Variants in ZNF432 observed in about 807,000 individuals in gnomAD.
The protein encoded by ZNF432 is zinc finger protein 432.
Under a neutral mutation model 13.9 loss-of-function variants are expected in ZNF432, and 10 were observed. The ratio of observed to expected loss-of-function variants is 0.72; its 90% CI spans 0.44 to 1.22. The LOEUF (loss-of-function observed/expected upper bound fraction) is 1.22, where lower values mean the gene tolerates loss of function less well. ZNF432 is among the 50% of genes most tolerant of loss of function. ZNF432 has a pLI of 0.00. For missense variants in ZNF432, 793 were observed against 796.2 expected, an observed-to-expected ratio of 1.00 and a Z score of 0.05; for synonymous variants, 247 against 256.2, an observed-to-expected ratio of 0.96 and a Z score of 0.34.
chr19:52,043,273 G>C (rs534382247), intron 2 of ZNF432, among the ~76,000 whole-genome samples: 29 of 152,238 alleles, frequency 1.9e-4, no homozygotes, highest in Non-Finnish European at 3.8e-4. Context: ...CCCCAACCCC[G>C]TGCTCTCGGA....
chr19:52,045,247 C>T (rs1174615871), intron 2 of ZNF432, among the ~76,000 whole-genome samples: 4 of 151,692 alleles, frequency 2.6e-5, no homozygotes, highest in African/African-American at 4.8e-5. Flanking sequence ...CAGAGATGCA[C>T]ACATTTCAGT....
intron 2 of ZNF432, 56 bp downstream of exon 2, chr19:52,046,798 G>A (rs1382411195): frequency 1.3e-6 from 2 of 1,546,682 alleles, no homozygotes; most frequent in Non-Finnish European, 1.8e-6. Context: ...ATTTCTTACG[G>A]GTCTCTACAA....
chr19:52,039,093 G>A (rs988936651), intron 4 of ZNF432, among the ~76,000 whole-genome samples: 1 of 152,210 alleles, frequency 6.6e-6, no homozygotes, highest in Non-Finnish European at 1.5e-5. Flanking sequence ...TTCCCTAGTT[G>A]TCAATACTCT....
At position 52,032,706 on chromosome 19, in the gene ZNF432, G is replaced by C. The variant is rs1210265559; in HGVS notation, c.*1014C>G. ...CCACCTTGGCCTCCCAAAGTGCTGG[G>C]ATTACAGGTGCAAGCCACCATGCCC... is the stretch of plus-strand genomic sequence containing the variant. On this transcript the variant is annotated 3_prime_UTR_variant, in exon 5 of 5. Transcript: ENST00000221315. 6.6e-6 allele frequency: 1 copy of C among 152,144 alleles called. No individual in the cohort carries two copies. Among genetic ancestry groups the C allele is most frequent in the African/African-American group, 2.4e-5 (1 of 41,436 alleles). The allele number at this position is 152,144 out of a possible 1,614,324, so 9.4% of individuals were successfully genotyped here.
rs760412985 is a variant in ZNF432, at chr19:52,034,739, C to G, written c.940G>C (p.Glu314Gln). Residue 314 changes from glutamate to glutamine, a missense_variant, in exon 5 of 5, where the codon GAG becomes CAG. By Grantham distance (29) the Glu-to-Gln change is conservative. Transcript: ENST00000221315. ...CATTCACTACATATATAGGATTTCT[C>G]TCCAGTATGATTTCGCTGATGTACA... ...LIVHQRNHTG[E>Q]KSYICSECGK... The G allele has an allele frequency of 9.3e-6, 15 of 1,613,198 alleles. No homozygotes were observed. Among genetic ancestry groups the G allele is most frequent in the Non-Finnish European group, 1.3e-5 (15 of 1,179,760 alleles).
At chr19:52,039,706 G>A (rs935561355) in intron 4 of ZNF432, among the ~76,000 whole-genome samples, 4 of 151,738 alleles carry the variant, frequency 2.6e-5, no homozygotes, top group Non-Finnish European at 5.9e-5. Flanking sequence ...GTGCGCGCCT[G>A]TAATCCCAGC....
intron 2 of ZNF432, among the ~76,000 whole-genome samples, chr19:52,044,644 T>C (rs917005769): frequency 6.6e-6 from 1 of 152,148 alleles, no homozygotes; most frequent in African/African-American, 2.4e-5. Flanking sequence ...TCACCTGTGA[T>C]GAGGAAAATG....
intron 2 of ZNF432, among the ~76,000 whole-genome samples, chr19:52,046,481 T>C (rs1212988156): frequency 1.3e-5 from 2 of 152,222 alleles, no homozygotes; most frequent in South Asian, 2.1e-4. Context: ...CTGTTCACCA[T>C]ATCACCTCTG....
At chr19:52,039,842 A>AAAAAAG (rs2087117402) in intron 4 of ZNF432, among the ~76,000 whole-genome samples, 1 of 150,874 alleles carries the variant, frequency 6.6e-6, no homozygotes, top group African/African-American at 2.4e-5. Flanking sequence ...AAAAAAAAAA[A>AAAAAAG]AAAAGAAAAG....
Position 52,034,882 on chromosome 19 carries a change from C to T in ZNF432, c.797G>A (p.Cys266Tyr). 2 of 1,613,922 alleles carry T rather than the reference C, an allele frequency of 1.2e-6. No homozygotes were observed. Among genetic ancestry groups the T allele is most frequent in the Non-Finnish European group, 1.7e-6 (2 of 1,179,926 alleles). Residue 266 changes from cysteine to tyrosine, a missense_variant, in exon 5 of 5, where the codon TGT becomes TAT. By Grantham distance (194) the Cys-to-Tyr change is radical (BLOSUM62 -2). Coordinates refer to ENST00000221315, the MANE Select transcript of ZNF432 (RefSeq NM_014650.4). ...GCTCTTCATAGTGAAGACTTTTCCA[C>T]ATTCACTGCATATAAAAGATTTCTC... ...KREKSFICSE[C>Y]GKVFTMKSRL...
rs575734898 is a variant in ZNF432 at position 52,037,761 on chromosome 19, G to C, written c.239-2321C>G. Among the ~76,000 whole-genome samples the C allele has an allele frequency of 1.7e-3, 236 of 141,594 alleles. 2 individuals carry two copies. Among genetic ancestry groups the C allele is most frequent in the African/African-American group, 6.1e-3 (227 of 37,328 alleles). The allele number at this position is 141,594 out of a possible 152,430, so 92.9% of individuals were successfully genotyped here. On this transcript the variant is annotated intron_variant, in intron 4 of 4. Coordinates refer to ENST00000221315, the MANE Select transcript of ZNF432 (RefSeq NM_014650.4). Reference sequence around the variant, plus strand: ...GCCAAAATCGTGCCACTGCACTCCAGCCTGAGCAACAAAGTGAGACTCTAC... The same window carrying C: ...GCCAAAATCGTGCCACTGCACTCCACCCTGAGCAACAAAGTGAGACTCTAC...
At chr19:52,046,357 A>G (rs2087183278) in intron 2 of ZNF432, among the ~76,000 whole-genome samples, 1 of 152,176 alleles carries the variant, frequency 6.6e-6, no homozygotes, top group Non-Finnish European at 1.5e-5. Context: ...CGTCCCCTAA[A>G]AAAACTGTTT....
chr19:52,041,043 G>A (rs919330996), intron 3 of ZNF432, among the ~76,000 whole-genome samples: 1 of 152,018 alleles, frequency 6.6e-6, no homozygotes, highest in Admixed American at 6.5e-5. Context: ...CAAGGCTGCA[G>A]CGAGCCATGA....
At chr19:52,048,184 A>ACACACACACACACACACACACACAC (rs1568525403) in intron 1 of ZNF432, among the ~76,000 whole-genome samples, 1 of 56,106 alleles carries the variant, frequency 1.8e-5, no homozygotes, top group African/African-American at 4.7e-5. Context: ...CACACACACA[A>ACACACACACACACACACACACACAC]AACCAGCCAG....
intron 2 of ZNF432, among the ~76,000 whole-genome samples, chr19:52,043,996 T>A (rs1340399716): frequency 1.3e-5 from 2 of 151,952 alleles, no homozygotes; most frequent in African/African-American, 4.8e-5. Flanking sequence ...CGGGTCCCCT[T>A]ATTTCTTTCT....
chr19:52,034,655 C>T lies in ZNF432; in HGVS notation c.1024G>A (p.Glu342Lys). The change falls in exon 5 of 5, where the codon GAG becomes AAG. Residue 342 changes from glutamate (E) to lysine (K), a missense_variant. Glu to Lys is a moderately conservative substitution (Grantham distance 56, BLOSUM62 1). Coordinates refer to ENST00000221315, the MANE Select transcript of ZNF432 (RefSeq NM_014650.4). ...LIIHQRTHTG[E>K]KPYICSECGK... ...CATTCACTACAGATGTAGGGCTTCT[C>T]TCCTGTATGAGTTCGCTGATGTATA... 6.2e-7 allele frequency: 1 copy of T among 1,613,798 alleles called. No individual in the cohort carries two copies. Among genetic ancestry groups the T allele is most frequent in the Non-Finnish European group, 8.5e-7 (1 of 1,179,860 alleles).
In ZNF432 at chr19:52,033,915, C is replaced by A. The variant is rs993561976; in HGVS notation, c.1764G>T (p.Lys588Asn). The change falls in exon 5 of 5, where the codon AAG (lysine) becomes AAT (asparagine). Residue 588 changes from lysine (K) to asparagine (N), a missense_variant. Physicochemically the swap from Lys to Asn is moderately conservative, Grantham distance 94 (BLOSUM62 0). Transcript: ENST00000221315. ...AAGGTTTTTCTCCAGTATGAACTTG[C>A]TTATGTAAAGCAAGCTCTGTTTCCT... ...FAKETELALH[K>N]QVHTGEKPYG... The A allele has an allele frequency of 6.2e-7, 1 of 1,613,878 alleles. No individual in the cohort carries two copies. The highest frequency in any genetic ancestry group is 2.2e-5 in the East Asian group (1 of 44,866).
chr19:52,047,750 G>C (rs1230811446), intron 1 of ZNF432, among the ~76,000 whole-genome samples: 3 of 151,090 alleles, frequency 2.0e-5, no homozygotes, highest in Non-Finnish European at 4.4e-5. Flanking sequence ...GGGAGACAGA[G>C]AAAAGGAATA....
At position 52,035,242 on chromosome 19, in the gene ZNF432, T is replaced by C. The variant is rs1164056120; in HGVS notation, c.437A>G (p.Gln146Arg). Residue 146 changes from glutamine to arginine, a missense_variant, in exon 5 of 5, where the codon CAG becomes CGG. Gln to Arg is a conservative substitution (Grantham distance 43, BLOSUM62 1). Coordinates refer to ENST00000221315, the MANE Select transcript of ZNF432 (RefSeq NM_014650.4). ...GTTGTTAATTTCACAGCTTTTGTTC[T>C]GGTTGACTAAACTTAAATTTGATTT... ...TLKSNLSLVN[Q>R]NKSCEINNST... 1.9e-6 allele frequency: 3 copies of C among 1,605,776 alleles called. No individual in the cohort carries two copies. Among genetic ancestry groups the C allele is most frequent in the Non-Finnish European group, 2.5e-6 (3 of 1,177,710 alleles).
Sources: allele counts gnomAD v4.1 joint callset (sites outside exome capture counted in the v4.1 genomes callset), GRCh38; gene constraint gnomAD v4.1.1; transcripts MANE v1.5; gene names NCBI Gene and HGNC (gene_info 2026-07-23, HGNC 2026-07-21).